The following HPSE2 variants were observed in gnomAD, a reference collection of about 807,000 sequenced individuals.
HPSE2 encodes inactive heparanase-2.
In HPSE2, 38 loss-of-function variants were observed where a neutral mutation model predicts 60.5. That is an observed-to-expected ratio of 0.63 (90% CI 0.48 to 0.82). HPSE2 has a LOEUF of 0.82. Among genes scored for constraint, HPSE2 ranks in the 40% least tolerant of loss-of-function variants. The probability of loss-of-function intolerance (pLI) is 0.00; values close to 1 mark genes in which losing one functional copy is unlikely to be tolerated. For synonymous variants in HPSE2, 295 were observed against 293.2 expected (o/e 1.01, Z -0.06); for missense variants, 713 against 740.4 (o/e 0.96, Z 0.43).
chr10:98,643,221 A>T (rs570067441), intron 6 of HPSE2, among the ~76,000 whole-genome samples: 1 of 152,354 alleles, frequency 6.6e-6, no homozygotes, highest in East Asian at 1.9e-4. Flanking sequence ...TGGGCAAGTT[A>T]CGTAGTCTCT....
chr10:98,484,150 GC>G lies in HPSE2; in HGVS notation c.1467-1369del, dbSNP rs1941350356. ...TGCCATTTCATTTCTTCTTTTGTAA[GC>G]TGACCATGTCCTTTGCCTGCCTGCC... On this transcript the variant is annotated intron_variant, in intron 10 of 11. Transcript: ENST00000370552. 1.3e-5 allele frequency among the ~76,000 whole-genome samples: 2 copies of G among 151,976 alleles called. 1 individual carries two copies. Among genetic ancestry groups the G allele is most frequent in the African/African-American group, 4.8e-5 (2 of 41,350 alleles).
At chr10:98,736,363 C>G (rs1949358749) in intron 4 of HPSE2, among the ~76,000 whole-genome samples, 1 of 152,032 alleles carries the variant, frequency 6.6e-6, no homozygotes, top group Non-Finnish European at 1.5e-5. Context: ...ATGTCTTTAT[C>G]AGCAGCATGA....
chr10:98,718,499 T>C (rs1948844599), intron 5 of HPSE2, among the ~76,000 whole-genome samples: 1 of 152,176 alleles, frequency 6.6e-6, no homozygotes, highest in Admixed American at 6.6e-5. Context: ...TCAATGTTTA[T>C]TTCAGCAATA....
At chr10:98,519,102 A>G (rs539790013) in intron 9 of HPSE2, among the ~76,000 whole-genome samples, 58 of 152,352 alleles carry the variant, frequency 3.8e-4, no homozygotes, top group African/African-American at 1.2e-3. Context: ...TATGTGCCAG[A>G]AAGTCTCACA....
chr10:98,759,082 G>T (rs1391070776), intron 3 of HPSE2, among the ~76,000 whole-genome samples: 1 of 152,082 alleles, frequency 6.6e-6, no homozygotes, highest in Non-Finnish European at 1.5e-5. Flanking sequence ...ATTAATGCAG[G>T]AACAGAAAAC....
intron 9 of HPSE2, among the ~76,000 whole-genome samples, chr10:98,597,544 G>T (rs1322845380): frequency 2.0e-5 from 3 of 151,682 alleles, no homozygotes; most frequent in Non-Finnish European, 4.4e-5. Context: ...GGTGGCATGT[G>T]CCTGTAGTCC....
At chr10:98,985,273 T>A (rs952256185) in intron 3 of HPSE2, among the ~76,000 whole-genome samples, 2 of 152,154 alleles carry the variant, frequency 1.3e-5, no homozygotes, top group Non-Finnish European at 2.9e-5. Context: ...GGGAAGTCCA[T>A]CAGACTAACA....
chr10:98,800,389 T>C (rs1375137459), intron 3 of HPSE2, among the ~76,000 whole-genome samples: 1 of 147,838 alleles, frequency 6.8e-6, no homozygotes, highest in Non-Finnish European at 1.5e-5. Context: ...ATAAAATATA[T>C]ACATAAATAT....
intron 3 of HPSE2, among the ~76,000 whole-genome samples, chr10:99,027,439 C>A (rs1157444828): frequency 2.0e-5 from 3 of 152,104 alleles, no homozygotes; most frequent in Non-Finnish European, 4.4e-5. Flanking sequence ...AACAGACCAA[C>A]AACAAATAAC....
chr10:98,645,336 G>A (rs1946739879), intron 6 of HPSE2, among the ~76,000 whole-genome samples: 1 of 152,196 alleles, frequency 6.6e-6, no homozygotes, highest in South Asian at 2.1e-4. Context: ...CAGGTTGTAA[G>A]TAATGGCCAA....
intron 3 of HPSE2, among the ~76,000 whole-genome samples, chr10:98,883,797 C>A (rs1953091743): frequency 6.6e-6 from 1 of 151,972 alleles, no homozygotes; most frequent in African/African-American, 2.4e-5. Context: ...CAGCAAGACA[C>A]CAACTCTAAA....
intron 3 of HPSE2, among the ~76,000 whole-genome samples, chr10:98,968,733 A>G (rs139588705): frequency 6.6e-6 from 1 of 152,282 alleles, no homozygotes; most frequent in East Asian, 1.9e-4. Context: ...TTCTAAGTGA[A>G]GTAACTTAGA....
At chr10:98,980,229 G>A (rs987452491) in intron 3 of HPSE2, among the ~76,000 whole-genome samples, 1 of 152,036 alleles carries the variant, frequency 6.6e-6, no homozygotes, top group Non-Finnish European at 1.5e-5. Context: ...TCACAATTTT[G>A]CTTTAAGAAT....
At chr10:98,930,991 T>A (rs1395666367) in intron 3 of HPSE2, among the ~76,000 whole-genome samples, 1 of 144,138 alleles carries the variant, frequency 6.9e-6, no homozygotes, top group Non-Finnish European at 1.5e-5. Flanking sequence ...CATTTGTCAA[T>A]TTTTGTTTTT....
At chr10:98,597,058 A>G (rs1945258918) in intron 9 of HPSE2, among the ~76,000 whole-genome samples, 1 of 150,766 alleles carries the variant, frequency 6.6e-6, no homozygotes, top group Non-Finnish European at 1.5e-5. Flanking sequence ...AAAGGGGGGA[A>G]AGTCCCTTAT....
chr10:99,080,063 C>A (rs748584441), intron 3 of HPSE2, among the ~76,000 whole-genome samples: 3 of 152,164 alleles, frequency 2.0e-5, no homozygotes, highest in Admixed American at 1.3e-4. Flanking sequence ...GTTTCACACT[C>A]ACCCAGGATA....
intron 4 of HPSE2, among the ~76,000 whole-genome samples, chr10:98,742,974 CTTT>C (rs35772316): frequency 6.0e-5 from 6 of 99,776 alleles, no homozygotes; most frequent in Non-Finnish European, 1.0e-4. Flanking sequence ...CTTTTCTTTT[CTTT>C]TTTTTTTTTT....
chr10:99,125,907 C>G (rs757147685), intron 3 of HPSE2, among the ~76,000 whole-genome samples: 18 of 152,260 alleles, frequency 1.2e-4, no homozygotes, highest in Non-Finnish European at 2.2e-4. Context: ...GGAGGGGCTA[C>G]AGGGTGAAAG....
chr10:98,591,057 T>C (rs1945075500), intron 9 of HPSE2, among the ~76,000 whole-genome samples: 1 of 152,068 alleles, frequency 6.6e-6, no homozygotes, highest in Non-Finnish European at 1.5e-5. Context: ...ATAGTAATCT[T>C]CCCTGTACAG....
Sources: allele counts gnomAD v4.1 joint callset (sites outside exome capture counted in the v4.1 genomes callset), GRCh38; gene constraint gnomAD v4.1.1; transcripts MANE v1.5; gene names NCBI Gene and HGNC (gene_info 2026-07-23, HGNC 2026-07-21).